The following SPTBN1 variants were observed in gnomAD, a reference collection of about 807,000 sequenced individuals.
The protein encoded by SPTBN1 is spectrin beta chain, non-erythrocytic 1.
Under a neutral mutation model 266.4 loss-of-function variants are expected in SPTBN1, and 32 were observed. That is an observed-to-expected ratio of 0.12 (90% confidence interval 0.09 to 0.16). The LOEUF (loss-of-function observed/expected upper bound fraction) is 0.16, where lower values mean the gene tolerates loss of function less well. Ranked by LOEUF, SPTBN1 falls within the 10% of genes least tolerant of loss-of-function variation. The pLI, the probability that SPTBN1 is intolerant of heterozygous loss-of-function variation, is 1.00. For missense variants in SPTBN1, 2,296 were observed against 3,067.1 expected, an observed-to-expected ratio of 0.75 and a Z score of 5.94; for synonymous variants, 1,336 against 1,162.2, an observed-to-expected ratio of 1.15 and a Z score of -3.04.
chr2:54,558,855 A>G lies in SPTBN1; in HGVS notation c.148+32289A>G. ...ACGGGGCAGGTGCCTTACAACTACA[A>G]CCAGCTGGAAGGCAGATTCAAGCAG... On this transcript the variant is annotated intron_variant, in intron 2 of 35. Transcript: ENST00000356805. This position sits in a 1 kb window ranked among gnomAD's most constrained non-coding sequence, Gnocchi z 4.6. The G allele has an allele frequency of 6.2e-7, 1 of 1,613,838 alleles. No individual in the cohort carries two copies. Among genetic ancestry groups the G allele is most frequent in the Non-Finnish European group, 8.5e-7 (1 of 1,179,826 alleles).
chr2:54,624,509 TA>T (rs1678200025), intron 10 of SPTBN1, among the ~76,000 whole-genome samples: 1 of 152,252 alleles, frequency 6.6e-6, no homozygotes, highest in African/African-American at 2.4e-5. Context: ...TATTTCCTCT[TA>T]AAGTAAGAGA....
At chr2:54,489,568 T>A (rs961697681) in intron 1 of SPTBN1, among the ~76,000 whole-genome samples, 21 of 152,054 alleles carry the variant, frequency 1.4e-4, no homozygotes, top group Non-Finnish European at 1.5e-4. Context: ...GGCGTGGTGG[T>A]GTGCATCTGT....
Position 54,646,561 on chromosome 2 carries a change from A to G in SPTBN1, c.4866+86A>G. On this transcript the variant is annotated intron_variant, in intron 23 of 35. Coordinates refer to ENST00000356805, the MANE Select transcript of SPTBN1 (RefSeq NM_003128.3). The surrounding 1 kb of genome is among the most constrained non-coding windows in gnomAD (Gnocchi z 4.4). Reference sequence around the variant, plus strand: ...ACTTTCTGCTGGCGGCTCTGTCTGTATAAAAACTTCCCTTGTAGCCTTTGA... The same window carrying G: ...ACTTTCTGCTGGCGGCTCTGTCTGTGTAAAAACTTCCCTTGTAGCCTTTGA... The G allele has an allele frequency of 1.4e-6, 2 of 1,400,522 alleles. No homozygotes were observed. Among genetic ancestry groups the G allele is most frequent in the Non-Finnish European group, 1.9e-6 (2 of 1,072,740 alleles). The allele number at this position is 1,400,522 out of a possible 1,614,324, so 86.8% of individuals were successfully genotyped here.
At chr2:54,503,187 T>C (rs1011681570) in intron 1 of SPTBN1, among the ~76,000 whole-genome samples, 3 of 152,260 alleles carry the variant, frequency 2.0e-5, no homozygotes, top group African/African-American at 4.8e-5. Flanking sequence ...TGGTCACTGG[T>C]GTCTCCATGC....
chr2:54,532,412 T>C (rs10171393), intron 2 of SPTBN1, among the ~76,000 whole-genome samples: 7,688 of 152,316 alleles, frequency 0.05, 603 homozygotes, highest in African/African-American at 0.17. Context: ...GAAAAGTTAT[T>C]AATGAGACAC....
Position 54,558,342 on chromosome 2 carries a change from G to C in SPTBN1, c.148+31776G>C, listed in dbSNP as rs1439371613. On this transcript the variant is annotated intron_variant, in intron 2 of 35. Coordinates refer to ENST00000356805, the MANE Select transcript of SPTBN1 (RefSeq NM_003128.3). This position sits in a 1 kb window ranked among gnomAD's most constrained non-coding sequence, Gnocchi z 4.6. ...GACATCACCGCCCAGCACACGGCGA[G>C]TGGCTCCTGATAAAATTACAAACCG... The C allele has an allele frequency of 5.0e-6, 5 of 996,564 alleles. No individual in the cohort carries two copies. Among genetic ancestry groups the C allele is most frequent in the Non-Finnish European group, 4.8e-6 (4 of 837,082 alleles). 61.7% of individuals were successfully genotyped at this position (996,564 alleles called of 1,614,324 possible).
chr2:54,581,987 G>A (rs773629730), intron 2 of SPTBN1, among the ~76,000 whole-genome samples: 1 of 151,958 alleles, frequency 6.6e-6, no homozygotes, highest in East Asian at 1.9e-4. Flanking sequence ...TGGTGCATGG[G>A]GTACCTGTAA....
In SPTBN1 at chr2:54,664,405, C is replaced by A. The variant is rs763771479; in HGVS notation, c.6421-48C>A. On this transcript the variant is annotated intron_variant, in intron 32 of 35. Coordinates refer to ENST00000356805, the MANE Select transcript of SPTBN1 (RefSeq NM_003128.3). This position sits in a 1 kb window ranked among gnomAD's most constrained non-coding sequence, Gnocchi z 5.6. ...GAGTCAGGTAGAGCGTATGTGGTCA[C>A]CCCCATGGCTCACGGAGTTAGCTGA... 2 of 1,574,432 alleles carry A rather than the reference C, an allele frequency of 1.3e-6. No homozygotes were observed. Among genetic ancestry groups the A allele is most frequent in the African/African-American group, 1.3e-5 (1 of 74,300 alleles).
In SPTBN1 at chr2:54,637,706, C is replaced by G; in HGVS notation, c.3768-7C>G. The G allele has an allele frequency of 1.2e-6, 2 of 1,608,490 alleles. No homozygotes were observed. The highest frequency in any genetic ancestry group is 1.1e-5 in the South Asian group (1 of 90,518). ...TTTAAAAATTATTTTTGTTACCATT[C>G]TAATAGACATAGGAAGAATCGTGAG... On this transcript the variant is annotated splice_region_variant and splice_polypyrimidine_tract_variant and intron_variant, in intron 17 of 35. Transcript: ENST00000356805.
At chr2:54,507,556 T>A (rs567798793) in intron 1 of SPTBN1, among the ~76,000 whole-genome samples, 6 of 152,092 alleles carry the variant, frequency 3.9e-5, no homozygotes, top group African/African-American at 1.4e-4. Context: ...TGGTTTTGGA[T>A]GAATTGAGAA....
chr2:54,477,580 C>T (rs1372466821), intron 1 of SPTBN1, among the ~76,000 whole-genome samples: 1 of 152,104 alleles, frequency 6.6e-6, no homozygotes, highest in East Asian at 1.9e-4. Context: ...AGTTACCTCA[C>T]AGCCCCACCC....
At chr2:54,594,986 C>CA (rs1386009089) in intron 2 of SPTBN1, among the ~76,000 whole-genome samples, 1 of 152,046 alleles carries the variant, frequency 6.6e-6, no homozygotes, top group Non-Finnish European at 1.5e-5. Flanking sequence ...AGGCATGTGC[C>CA]ACCACACCTG....
intron 2 of SPTBN1, among the ~76,000 whole-genome samples, chr2:54,593,964 G>T (rs1308803755): frequency 6.7e-6 from 1 of 150,344 alleles, no homozygotes; most frequent in Non-Finnish European, 1.5e-5. Context: ...CTCCTGAGTA[G>T]CTGGGTTACA....
At chr2:54,560,848 A>G (rs1453166404) in intron 2 of SPTBN1, among the ~76,000 whole-genome samples, 2 of 152,210 alleles carry the variant, frequency 1.3e-5, no homozygotes, top group African/African-American at 2.4e-5. Flanking sequence ...AGAATTACAC[A>G]CATTTGTCAG....
chr2:54,646,541 C>T lies in SPTBN1; in HGVS notation c.4866+66C>T. ...CAGATTCAAACCCTGGGCACACTTT[C>T]TGCTGGCGGCTCTGTCTGTATAAAA... On this transcript the variant is annotated intron_variant, in intron 23 of 35. Transcript: ENST00000356805. This position sits in a 1 kb window ranked among gnomAD's most constrained non-coding sequence, Gnocchi z 4.4. 7.0e-7 allele frequency: 1 copy of T among 1,425,008 alleles called. No homozygotes were observed. Among genetic ancestry groups the T allele is most frequent in the Non-Finnish European group, 9.2e-7 (1 of 1,088,460 alleles). The allele number at this position is 1,425,008 out of a possible 1,614,324, so 88.3% of individuals were successfully genotyped here. A position where few individuals can be genotyped will look rare whatever the true frequency, so the allele number is the denominator to read the frequency against.
At position 54,637,756 on chromosome 2, in the gene SPTBN1, T is replaced by C. The variant is rs763943319; in HGVS notation, c.3811T>C (p.Leu1271=). ...GACAGCCAGTGAACTTTTGATGAGG[T>C]TGAAGGACAACAGGGATCTACAGAA... is the stretch of plus-strand genomic sequence containing the variant. The part of the protein sequence containing the change: ...RETASELLMR[L]KDNRDLQKFL... The change falls in exon 18 of 36, where the codon TTG becomes CTG. Residue 1271 remains leucine (L), a synonymous_variant. Coordinates refer to ENST00000356805, the MANE Select transcript of SPTBN1 (RefSeq NM_003128.3). 6.2e-7 allele frequency: 1 copy of C among 1,613,960 alleles called. No individual in the cohort carries two copies. Among genetic ancestry groups the C allele is most frequent in the South Asian group, 1.1e-5 (1 of 91,044 alleles).
intron 1 of SPTBN1, among the ~76,000 whole-genome samples, chr2:54,471,012 C>G (rs773863370): frequency 3.9e-5 from 6 of 152,202 alleles, no homozygotes; most frequent in Non-Finnish European, 8.8e-5. Flanking sequence ...TAGCCCAAGA[C>G]ACTTCTTCTT....
At chr2:54,488,636 G>T (rs934878708) in intron 1 of SPTBN1, among the ~76,000 whole-genome samples, 1 of 151,950 alleles carries the variant, frequency 6.6e-6, no homozygotes, top group Non-Finnish European at 1.5e-5. Flanking sequence ...TTATCTCATC[G>T]TGGTGGCTTC....
rs570143588 is a variant in SPTBN1 at position 54,491,031 on chromosome 2, C to G, written c.-48+34513C>G. ...AGTCAAGCTTGTGTGTTCTTCAAAG[C>G]TCGTTTGAGCTCTGGCATGGAAGAG... On this transcript the variant is annotated intron_variant, in intron 1 of 35. Transcript: ENST00000356805. Among the ~76,000 whole-genome samples the G allele has an allele frequency of 4.0e-4, 61 of 152,220 alleles. 1 individual carries two copies. In the South Asian group the frequency reaches 0.012, roughly 29 times the overall value.
Sources: allele counts gnomAD v4.1 joint callset (sites outside exome capture counted in the v4.1 genomes callset), GRCh38; gene constraint gnomAD v4.1.1; non-coding constraint Gnocchi (gnomAD v3.1); transcripts MANE v1.5; gene names NCBI Gene and HGNC (gene_info 2026-07-23, HGNC 2026-07-21).